Variants in UBE2K observed in about 807,000 individuals in gnomAD.
UBE2K encodes the protein ubiquitin conjugating enzyme E2 K.
A neutral mutation model predicts 30.0 loss-of-function variants in UBE2K; 6 were observed. The observed-to-expected ratio is 0.20, with a 90% confidence interval of 0.11 to 0.39. The LOEUF (loss-of-function observed/expected upper bound fraction) is 0.39. Ranked by LOEUF, UBE2K falls within the 10% of genes least tolerant of loss-of-function variation. The probability of loss-of-function intolerance (pLI) is 1.00; values close to 1 mark genes in which losing one functional copy is unlikely to be tolerated. For synonymous variants in UBE2K, 86 were observed against 83.7 expected, an observed-to-expected ratio of 1.03 and a Z score of -0.15; for missense variants, 61 against 241.6, an observed-to-expected ratio of 0.25 and a Z score of 4.96.
intron 1 of UBE2K, among the ~76,000 whole-genome samples, chr4:39,736,525 TG>T (rs780472653): frequency 1.3e-5 from 2 of 152,232 alleles, no homozygotes; most frequent in Non-Finnish European, 2.9e-5. Flanking sequence ...GAGGATTTAC[TG>T]TATTTTTAAC....
chr4:39,757,363 AAAAG>A (rs1279646547), intron 4 of UBE2K, among the ~76,000 whole-genome samples: 1 of 152,126 alleles, frequency 6.6e-6, no homozygotes, highest in East Asian at 1.9e-4. Context: ...AGGGGAGAAA[AAAAG>A]GTACCTGAAA....
chr4:39,752,325 CT>C (rs1401945401), intron 3 of UBE2K, among the ~76,000 whole-genome samples: 15 of 63,306 alleles, frequency 2.4e-4, no homozygotes, highest in Admixed American at 5.8e-4. Context: ...TTTTTTTTTT[CT>C]TTTTTTTTCT....
At chr4:39,736,955 G>A (rs1387712413) in intron 1 of UBE2K, among the ~76,000 whole-genome samples, 2 of 152,128 alleles carry the variant, frequency 1.3e-5, no homozygotes, top group African/African-American at 4.8e-5. Flanking sequence ...AAGTTGTTAT[G>A]GTTAGTTCAA....
intron 3 of UBE2K, among the ~76,000 whole-genome samples, chr4:39,755,160 A>G (rs1255981269): frequency 1.3e-5 from 2 of 152,210 alleles, no homozygotes; most frequent in African/African-American, 4.8e-5. Flanking sequence ...TAGGCATTTC[A>G]ATAATAAGAA....
At chr4:39,726,194 A>G (rs1211984281) in intron 1 of UBE2K, among the ~76,000 whole-genome samples, 2 of 151,578 alleles carry the variant, frequency 1.3e-5, no homozygotes, top group East Asian at 3.9e-4. Context: ...GTCTGTCTTA[A>G]CATGTTGACC....
chr4:39,771,544 G>C (rs1182149340), intron 4 of UBE2K, among the ~76,000 whole-genome samples: 3 of 152,174 alleles, frequency 2.0e-5, no homozygotes, highest in Non-Finnish European at 4.4e-5. Flanking sequence ...CACGGGCAGA[G>C]CCAGGGCAGC....
At chr4:39,765,938 T>TACATACATACATACATAC (rs1258930076) in intron 4 of UBE2K, among the ~76,000 whole-genome samples, 4 of 149,384 alleles carry the variant, frequency 2.7e-5, no homozygotes, top group African/African-American at 9.9e-5. Flanking sequence ...CATACATACA[T>TACATACATACATACATAC]ACACACACAC....
At chr4:39,723,362 CTTTTTTTTTT>C (rs529806724) in intron 1 of UBE2K, among the ~76,000 whole-genome samples, 2 of 108,374 alleles carry the variant, frequency 1.8e-5, no homozygotes, top group Non-Finnish European at 3.5e-5. Flanking sequence ...GCTGTCTTCT[CTTTTTTTTTT>C]TTTTTTTTTT....
chr4:39,771,743 C>T (rs766570411), intron 4 of UBE2K, among the ~76,000 whole-genome samples: 16 of 152,172 alleles, frequency 1.1e-4, no homozygotes, highest in Non-Finnish European at 1.9e-4. Context: ...ATAGAGAAAA[C>T]TTCCCAAGGG....
chr4:39,724,403 C>T (rs1167936226), intron 1 of UBE2K, among the ~76,000 whole-genome samples: 4 of 151,822 alleles, frequency 2.6e-5, no homozygotes. Context: ...CTGCACCCAG[C>T]CCAAACTGTA....
intron 1 of UBE2K, among the ~76,000 whole-genome samples, chr4:39,703,764 T>C (rs1718166495): frequency 6.6e-6 from 1 of 150,620 alleles, no homozygotes; most frequent in Admixed American, 6.7e-5. Context: ...GGAGAATTGC[T>C]TGAACCGGGG....
In UBE2K at chr4:39,707,476, A is replaced by G. The variant is rs967646721; in HGVS notation, c.63+9086A>G. Among the ~76,000 whole-genome samples, 12 of 151,460 alleles carry G rather than the reference A, an allele frequency of 7.9e-5. 1 individual carries two copies. The highest frequency in any genetic ancestry group is 2.6e-4 in the Admixed American group (4 of 15,224). On this transcript the variant is annotated intron_variant, in intron 1 of 6. Transcript: ENST00000261427. ...TGGCTTCTCAAAGTGCTGGGATTAC[A>G]GGCATGAGCCGTCGTGCCTGGCCTG... is the stretch of plus-strand genomic sequence containing the variant.
At chr4:39,722,029 A>G (rs1719448166) in intron 1 of UBE2K, among the ~76,000 whole-genome samples, 1 of 152,132 alleles carries the variant, frequency 6.6e-6, no homozygotes, top group Non-Finnish European at 1.5e-5. Flanking sequence ...GTACAGTGCC[A>G]TGATCATGGC....
At chr4:39,699,943 C>G (rs773793943) in intron 1 of UBE2K, among the ~76,000 whole-genome samples, 1 of 152,220 alleles carries the variant, frequency 6.6e-6, no homozygotes, top group South Asian at 2.1e-4. Flanking sequence ...TGTACTGATA[C>G]AATGAAACAG....
chr4:39,770,159 G>C, intron 4 of UBE2K: 3 of 1,605,828 alleles, frequency 1.9e-6, no homozygotes, highest in South Asian at 2.2e-5. Flanking sequence ...GTTGCTCCTT[G>C]AGATGCCGCC....
At chr4:39,712,428 GTTTTA>G (rs201869133) in intron 1 of UBE2K, among the ~76,000 whole-genome samples, 1 of 53,228 alleles carries the variant, frequency 1.9e-5, no homozygotes, top group African/African-American at 7.2e-5. Flanking sequence ...TGTTTTTTTT[GTTTTA>G]TTTTGTTTTG....
At chr4:39,776,570 A>G (rs1713295512) in intron 5 of UBE2K, among the ~76,000 whole-genome samples, 2 of 152,206 alleles carry the variant, frequency 1.3e-5, no homozygotes, top group South Asian at 2.1e-4. Context: ...CAAGCATTGC[A>G]TTCATTTTTA....
chr4:39,714,544 A>ATTTTTTTTTTTTTT (rs1337587267), intron 1 of UBE2K: 13 of 21,086 alleles, frequency 6.2e-4, no homozygotes, highest in Non-Finnish European at 9.2e-4. Flanking sequence ...ATATATATAT[A>ATTTTTTTTTTTTTT]TATATATTTT....
At chr4:39,753,570 G>A (rs932514946) in intron 3 of UBE2K, among the ~76,000 whole-genome samples, 8 of 152,144 alleles carry the variant, frequency 5.3e-5, no homozygotes, top group Admixed American at 2.0e-4. Flanking sequence ...AGAAATCACA[G>A]AAGTGTAATT....
Sources: gnomAD v4.1 joint callset for allele counts (sites outside exome capture counted in the v4.1 genomes callset) on GRCh38, gnomAD v4.1.1 for gene constraint, MANE v1.5 for transcripts, NCBI Gene and HGNC (gene_info 2026-07-23, HGNC 2026-07-21) for gene names.